The following CDK19 variants were observed in gnomAD, a reference collection of about 807,000 sequenced individuals.
CDK19 encodes cyclin dependent kinase 19.
CDK19 carries 20 observed loss-of-function variants against 68.3 expected under a neutral mutation model. The ratio of observed to expected loss-of-function variants is 0.29; its 90% confidence interval spans 0.21 to 0.43. The LOEUF is 0.43. Among genes scored for constraint, CDK19 ranks in the 20% least tolerant of loss-of-function variants. The pLI is 1.00. For synonymous variants in CDK19, 221 were observed against 222.8 expected, an observed-to-expected ratio of 0.99 and a Z score of 0.07; for missense variants, 339 against 623.5, an observed-to-expected ratio of 0.54 and a Z score of 4.86.
At chr6:110,803,979 G>A (rs1782501939) in intron 1 of CDK19, among the ~76,000 whole-genome samples, 1 of 152,048 alleles carries the variant, frequency 6.6e-6, no homozygotes, top group South Asian at 2.1e-4. Context: ...AAAAGAAAGA[G>A]AAGAAAGAAA....
At chr6:110,709,749 C>A (rs1199682221) in intron 2 of CDK19, among the ~76,000 whole-genome samples, 1 of 152,070 alleles carries the variant, frequency 6.6e-6, no homozygotes, top group East Asian at 1.9e-4. Context: ...AATAGAAATT[C>A]TAATGTAATT....
In CDK19 at chr6:110,810,887, A is replaced by AT. The variant is rs572262116; in HGVS notation, c.128+4121dup. 1.6e-3 allele frequency among the ~76,000 whole-genome samples: 239 copies of AT among 151,084 alleles called. 1 individual carries two copies. The highest frequency in any genetic ancestry group is 1.3e-3 in the Non-Finnish European group (88 of 67,692). On this transcript the variant is annotated intron_variant, in intron 1 of 12. Transcript: ENST00000368911. ...ATATGTGATAATTTCCCTTTTCCAT[A>AT]TTTTTTTTTGGTATAAATGCACTTT...
chr6:110,719,232 C>G (rs889730926), intron 2 of CDK19, among the ~76,000 whole-genome samples: 2 of 152,160 alleles, frequency 1.3e-5, no homozygotes, highest in Non-Finnish European at 1.5e-5. Context: ...GCCTATAATC[C>G]TAACACTTTG....
At position 110,649,081 on chromosome 6, in the gene CDK19, C is replaced by T. The variant is rs756871925; in HGVS notation, c.457-10375G>A. On this transcript the variant is annotated intron_variant, in intron 4 of 12. Coordinates refer to ENST00000368911, the MANE Select transcript of CDK19 (RefSeq NM_015076.5). The stretch of plus-strand genomic sequence containing the variant: ...ACCCATATATATAGATAAGAAGATT[C>T]GATACAGTAAAAAAAAAAATCAATT... Among the ~76,000 whole-genome samples, 19 of 151,382 alleles carry T rather than the reference C, an allele frequency of 1.3e-4. No individual in the cohort carries two copies. In the Middle Eastern group the frequency reaches 0.01, roughly 82 times the overall value.
chr6:110,811,838 T>C (rs931956017), intron 1 of CDK19, among the ~76,000 whole-genome samples: 1 of 151,612 alleles, frequency 6.6e-6, no homozygotes, highest in African/African-American at 2.4e-5. Context: ...CAAGACCCTG[T>C]CTGTAAAACG....
intron 12 of CDK19, among the ~76,000 whole-genome samples, chr6:110,619,847 A>T (rs1778596788): frequency 6.6e-6 from 1 of 152,026 alleles, no homozygotes; most frequent in African/African-American, 2.4e-5. Flanking sequence ...ATGCACTAAC[A>T]TGGCCCCGCC....
At chr6:110,795,687 T>C (rs1781889500) in intron 1 of CDK19, among the ~76,000 whole-genome samples, 1 of 152,156 alleles carries the variant, frequency 6.6e-6, no homozygotes, top group South Asian at 2.1e-4. Context: ...GAATTAGATA[T>C]TAAGGACCAA....
chr6:110,623,741 T>TATATATATACATATATATATACAC (rs1324451590), intron 8 of CDK19, among the ~76,000 whole-genome samples: 1 of 144,434 alleles, frequency 6.9e-6, no homozygotes, highest in Admixed American at 7.0e-5. Flanking sequence ...ATGGCCAATA[T>TATATATATACATATATATATACAC]ATATATATAT....
intron 4 of CDK19, among the ~76,000 whole-genome samples, chr6:110,661,554 A>G (rs1483674995): frequency 6.6e-6 from 1 of 152,122 alleles, no homozygotes; most frequent in East Asian, 1.9e-4. Flanking sequence ...GCCTCAAGCA[A>G]TCTTCCCACC....
chr6:110,801,431 G>A (rs528177719), intron 1 of CDK19, among the ~76,000 whole-genome samples: 2 of 152,266 alleles, frequency 1.3e-5, no homozygotes, highest in East Asian at 3.9e-4. Context: ...ACTGCACTGA[G>A]CCATGATCAT....
chr6:110,712,651 G>T (rs1204927227), intron 2 of CDK19, among the ~76,000 whole-genome samples: 3 of 152,194 alleles, frequency 2.0e-5, no homozygotes, highest in African/African-American at 7.2e-5. Flanking sequence ...AGGATGCAGA[G>T]ATGCTGAAAC....
At chr6:110,695,874 A>G (rs1422648314) in intron 2 of CDK19, among the ~76,000 whole-genome samples, 2 of 152,142 alleles carry the variant, frequency 1.3e-5, no homozygotes, top group East Asian at 3.8e-4. Flanking sequence ...ACCAACAAAA[A>G]AAGTCCAGGA....
At chr6:110,616,662 C>T (rs1218589253) in intron 12 of CDK19, among the ~76,000 whole-genome samples, 1 of 150,156 alleles carries the variant, frequency 6.7e-6, no homozygotes, top group Non-Finnish European at 1.5e-5. Flanking sequence ...GAGGGAGACT[C>T]CATCTCAAAA....
intron 2 of CDK19, among the ~76,000 whole-genome samples, chr6:110,714,095 C>G (rs867007588): frequency 3.6e-4 from 55 of 152,318 alleles, no homozygotes; most frequent in African/African-American, 1.3e-3. Context: ...ACTCCCCATT[C>G]TCCCTTCATC....
chr6:110,734,568 G>A (rs1271499827), intron 2 of CDK19, among the ~76,000 whole-genome samples: 2 of 28,456 alleles, frequency 7.0e-5, no homozygotes, highest in Admixed American at 6.7e-4. Context: ...TCTCATGTCT[G>A]GGCTTTCCTC....
At chr6:110,623,222 T>C in intron 9 of CDK19, 68 bp downstream of exon 9, 1 of 1,278,280 alleles carries the variant, frequency 7.8e-7, no homozygotes, top group Non-Finnish European at 1.1e-6. Flanking sequence ...AGAGGAGGAA[T>C]AGCTGAGTAA....
chr6:110,764,419 T>A (rs1242602900), intron 1 of CDK19, among the ~76,000 whole-genome samples: 6 of 152,238 alleles, frequency 3.9e-5, no homozygotes, highest in African/African-American at 1.4e-4. Flanking sequence ...AATAGATCAA[T>A]GGAACAGAAT....
chr6:110,684,387 G>A (rs1772275080), intron 2 of CDK19, among the ~76,000 whole-genome samples: 1 of 122,762 alleles, frequency 8.1e-6, no homozygotes, highest in South Asian at 2.7e-4. Context: ...ACTAACAAAT[G>A]TTTATGTCCT....
chr6:110,764,267 T>C (rs905026522), intron 1 of CDK19, among the ~76,000 whole-genome samples: 1 of 152,060 alleles, frequency 6.6e-6, no homozygotes, highest in Non-Finnish European at 1.5e-5. Flanking sequence ...CTAAAGCTCA[T>C]GGGGAAAGAC....
Sources: allele counts gnomAD v4.1 joint callset (sites outside exome capture counted in the v4.1 genomes callset), GRCh38; gene constraint gnomAD v4.1.1; transcripts MANE v1.5; gene names NCBI Gene and HGNC (gene_info 2026-07-23, HGNC 2026-07-21).